The following CDC42SE1 variants were observed in gnomAD, a reference collection of about 807,000 sequenced individuals.
The protein encoded by CDC42SE1 is CDC42 small effector 1.
A neutral mutation model predicts 10.9 loss-of-function variants in CDC42SE1; 10 were observed. That is an observed-to-expected ratio of 0.92 (90% confidence interval 0.57 to 1.56). The LOEUF (loss-of-function observed/expected upper bound fraction) is 1.56. CDC42SE1 is among the 40% of genes most tolerant of loss of function. The pLI, the probability that CDC42SE1 is intolerant of heterozygous loss-of-function variation, is 0.00. For synonymous variants in CDC42SE1, 24 were observed against 32.0 expected (o/e 0.75, Z 0.85); for missense variants, 81 against 100.8 (o/e 0.80, Z 0.84).
In CDC42SE1 at chr1:151,051,644, G is replaced by A. The variant is rs1467421958; in HGVS notation, c.*1700C>T. ...GGAAGGGCCAGAACGAAGAACACCT[G>A]AGAATACTGAAAGTGCCTAAAAACC... On this transcript the variant is annotated 3_prime_UTR_variant, in exon 5 of 5. Transcript: ENST00000357235. 6.6e-6 allele frequency: 1 copy of A among 152,522 alleles called. No homozygotes were observed. Among genetic ancestry groups the A allele is most frequent in the Non-Finnish European group, 1.5e-5 (1 of 68,028 alleles). The allele number at this position is 152,522 out of a possible 1,614,324, so 9.4% of individuals were successfully genotyped here. A position where few individuals can be genotyped will look rare whatever the true frequency, so the allele number is the denominator to read the frequency against.
At chr1:151,059,250 TC>T in intron 1 of CDC42SE1, 1 of 144,262 alleles carries the variant, frequency 6.9e-6, no homozygotes, top group Non-Finnish European at 1.5e-5. Context: ...CCCTCCCACC[TC>T]CCCCAACATT....
intron 1 of CDC42SE1, chr1:151,058,040 G>A (rs1199005956): frequency 1.3e-5 from 2 of 152,416 alleles, no homozygotes; most frequent in Middle Eastern, 3.1e-3. Flanking sequence ...AGGCTGTACT[G>A]TGACTGGACT....
rs1676173537 is a variant in CDC42SE1, at chr1:151,051,325, TGA to T, written c.*2017_*2018del. 7.6e-6 allele frequency: 1 copy of T among 131,712 alleles called. No homozygotes were observed. The highest frequency in any genetic ancestry group is 9.9e-5 in the Admixed American group (1 of 10,144). The allele number at this position is 131,712 out of a possible 1,614,324, so 8.2% of individuals were successfully genotyped here. A position where few individuals can be genotyped will look rare whatever the true frequency, so the allele number is the denominator to read the frequency against. On this transcript the variant is annotated 3_prime_UTR_variant, in exon 5 of 5. Transcript: ENST00000357235. ...TCAGAGCAACCAGCTTGACTGGAAC[TGA>T]GAGTAAATTGGGAATGTATGACCAA...
rs1319323305 is a variant in CDC42SE1 at position 151,057,334 on chromosome 1, C to T, written c.-263-1341G>A. On this transcript the variant is annotated intron_variant, in intron 1 of 4. Coordinates refer to ENST00000357235, the MANE Select transcript of CDC42SE1 (RefSeq NM_020239.4). This position sits in a 1 kb window ranked among gnomAD's most constrained non-coding sequence, Gnocchi z 4.0. ...GTCAGGAGTTCCAGACCAGCCTGGC[C>T]AACATGGTGAAACCCCATCTCTGCT... 6.6e-6 allele frequency among the ~76,000 whole-genome samples: 1 copy of T among 152,116 alleles called. No individual in the cohort carries two copies. Among genetic ancestry groups the T allele is most frequent in the African/African-American group, 2.4e-5 (1 of 41,408 alleles).
Position 151,053,088 on chromosome 1 carries a change from T to C in CDC42SE1, c.*256A>G, listed in dbSNP as rs954525292. The C allele has an allele frequency of 6.5e-6, 1 of 152,744 alleles. No individual in the cohort carries two copies. The highest frequency in any genetic ancestry group is 1.5e-5 in the Non-Finnish European group (1 of 68,120). 9.5% of individuals were successfully genotyped at this position (152,744 alleles called of 1,614,324 possible). On this transcript the variant is annotated 3_prime_UTR_variant, in exon 5 of 5. Coordinates refer to ENST00000357235, the MANE Select transcript of CDC42SE1 (RefSeq NM_020239.4). ...TCTCAGACCTGAGGGTTTCCAGGGC[T>C]TCAGCTGAGCTCCTCTGGCTAACCA...
intron 1 of CDC42SE1, among the ~76,000 whole-genome samples, chr1:151,056,223 G>C (rs78899116): frequency 6.2e-4 from 95 of 152,298 alleles, no homozygotes; most frequent in African/African-American, 2.2e-3. Context: ...GGTACCAAGG[G>C]AGAGGAAGGG....
Position 151,051,417 on chromosome 1 carries a change from A to AAAAAAAAAAAC in CDC42SE1, c.*1926_*1927insGTTTTTTTTTT. 6.6e-6 allele frequency: 1 copy of AAAAAAAAAAAC among 150,872 alleles called. No individual in the cohort carries two copies. The highest frequency in any genetic ancestry group is 1.5e-5 in the Non-Finnish European group (1 of 67,618). 9.3% of individuals were successfully genotyped at this position (150,872 alleles called of 1,614,324 possible). ...TGAAAAAAAAAAAAAAAAAAAAAAA[A>AAAAAAAAAAAC]AAAGAACCTCAGTCACTGTTCTGTA... On this transcript the variant is annotated 3_prime_UTR_variant, in exon 5 of 5. Coordinates refer to ENST00000357235, the MANE Select transcript of CDC42SE1 (RefSeq NM_020239.4).
chr1:151,053,919 T>C (rs951057938), intron 4 of CDC42SE1, among the ~76,000 whole-genome samples: 11 of 152,170 alleles, frequency 7.2e-5, no homozygotes, highest in African/African-American at 2.7e-4. Context: ...AACCTCCGCC[T>C]CCCAGGTTCA....
At position 151,057,607 on chromosome 1, in the gene CDC42SE1, T is replaced by C. The variant is rs1003198660; in HGVS notation, c.-263-1614A>G. Among the ~76,000 whole-genome samples the C allele has an allele frequency of 6.6e-6, 1 of 151,622 alleles. No homozygotes were observed. Among genetic ancestry groups the C allele is most frequent in the African/African-American group, 2.4e-5 (1 of 41,198 alleles). On this transcript the variant is annotated intron_variant, in intron 1 of 4. Transcript: ENST00000357235. The surrounding 1 kb of genome is among the most constrained non-coding windows in gnomAD (Gnocchi z 4.0). ...GGGAGGCTGAGGCAGGAGGATCACT[T>C]GAGCCCAAGAGTTGCGGCTACAGTG...
At chr1:151,055,637 G>A (rs753297357) in intron 2 of CDC42SE1, 40 bp downstream of exon 2, 1 of 1,543,190 alleles carries the variant, frequency 6.5e-7, no homozygotes, top group Non-Finnish European at 8.9e-7. Context: ...CACAGTAACT[G>A]ACTGCTCTTT....
intron 4 of CDC42SE1, among the ~76,000 whole-genome samples, 159 bp from the exon 5 acceptor site, chr1:151,053,486 T>C (rs587773626): frequency 6.6e-6 from 1 of 152,278 alleles, no homozygotes; most frequent in Admixed American, 6.5e-5. Flanking sequence ...ATATCCTACA[T>C]TCTTTTTTTT....
intron 3 of CDC42SE1, 75 bp from the exon 4 acceptor site, chr1:151,054,396 A>G (rs961457711): frequency 9.2e-6 from 11 of 1,196,730 alleles, no homozygotes; most frequent in Non-Finnish European, 1.4e-5. Context: ...TGTGCCTTCC[A>G]GGGAAGAGGC....
intron 4 of CDC42SE1, 143 bp downstream of exon 4, chr1:151,054,088 C>A (rs1676235597): frequency 3.0e-6 from 2 of 658,674 alleles, no homozygotes; most frequent in Non-Finnish European, 5.4e-6. Flanking sequence ...ATCTCGGCCT[C>A]CTAAAGTGCT....
At chr1:151,054,954 CA>C in intron 3 of CDC42SE1, 61 bp downstream of exon 3, 1 of 1,240,556 alleles carries the variant, frequency 8.1e-7, no homozygotes, top group Non-Finnish European at 1.2e-6. Context: ...CTTGAACTTT[CA>C]AAAAGAGGGA....
intron 1 of CDC42SE1, among the ~76,000 whole-genome samples, chr1:151,056,195 T>C (rs1676274642): frequency 6.6e-6 from 1 of 152,018 alleles, no homozygotes; most frequent in Admixed American, 6.6e-5. Flanking sequence ...ACCAAGGGGT[T>C]AAGGAGCAGT....
At chr1:151,053,677 T>G (rs1407950266) in intron 4 of CDC42SE1, among the ~76,000 whole-genome samples, 1 of 152,112 alleles carries the variant, frequency 6.6e-6, no homozygotes, top group Non-Finnish European at 1.5e-5. Flanking sequence ...AGACAGGGGT[T>G]CACCATGTTG....
chr1:151,053,546 A>G (rs1482111966), intron 4 of CDC42SE1, among the ~76,000 whole-genome samples: 1 of 151,998 alleles, frequency 6.6e-6, no homozygotes, highest in African/African-American at 2.4e-5. Context: ...CAGTGGCGCA[A>G]TCTAGACTCA....
In CDC42SE1 at chr1:151,054,336, A is replaced by T; in HGVS notation, c.166-15T>A. 1 of 1,604,522 alleles carries T rather than the reference A, an allele frequency of 6.2e-7. No individual in the cohort carries two copies. The highest frequency in any genetic ancestry group is 8.5e-7 in the Non-Finnish European group (1 of 1,171,546). On this transcript the variant is annotated splice_polypyrimidine_tract_variant and intron_variant, in intron 3 of 4. Transcript: ENST00000357235. ...ACTGCACCTGTCTGTAAAAAAACAG[A>T]TGCGAGACACCTTCGTAAGTCTTCA...
chr1:151,051,901 G>A lies in CDC42SE1; in HGVS notation c.*1443C>T, dbSNP rs1181024781. 1 of 152,522 alleles carries A rather than the reference G, an allele frequency of 6.6e-6. No homozygotes were observed. The highest frequency in any genetic ancestry group is 1.5e-5 in the Non-Finnish European group (1 of 68,056). The allele number at this position is 152,522 out of a possible 1,614,324, so 9.4% of individuals were successfully genotyped here. On this transcript the variant is annotated 3_prime_UTR_variant, in exon 5 of 5. Coordinates refer to ENST00000357235, the MANE Select transcript of CDC42SE1 (RefSeq NM_020239.4). ...ACACTGCAGGAACCACTTCTCCAGA[G>A]GGCAAGAATGGAGGAGGGGGACCTG...
Sources: allele counts gnomAD v4.1 joint callset (sites outside exome capture counted in the v4.1 genomes callset), GRCh38; gene constraint gnomAD v4.1.1; non-coding constraint Gnocchi (gnomAD v3.1); transcripts MANE v1.5; gene names NCBI Gene and HGNC (gene_info 2026-07-23, HGNC 2026-07-21).